The following HDAC4 variants were observed in gnomAD, a reference collection of about 807,000 sequenced individuals.
The protein encoded by HDAC4 is histone deacetylase 4.
In HDAC4, 16 loss-of-function variants were observed where a neutral mutation model predicts 135.1. That is an observed-to-expected ratio of 0.12 (90% CI 0.08 to 0.18). The LOEUF is 0.18. HDAC4 is among the 10% of genes least tolerant of loss of function. The pLI is 1.00. For missense variants in HDAC4, 1,143 were observed against 1,511.8 expected, an observed-to-expected ratio of 0.76 and a Z score of 4.05; for synonymous variants, 685 against 653.4, an observed-to-expected ratio of 1.05 and a Z score of -0.74.
intron 6 of HDAC4, chr2:239,162,406 C>T (rs576799832): frequency 4.4e-6 from 2 of 450,232 alleles, no homozygotes; most frequent in South Asian, 1.6e-5. Flanking sequence ...AACCACGATC[C>T]ACACTCCTGT....
chr2:239,132,621 G>A (rs1447113496), intron 11 of HDAC4, among the ~76,000 whole-genome samples: 1 of 152,200 alleles, frequency 6.6e-6, no homozygotes, highest in East Asian at 1.9e-4. Flanking sequence ...GCGCACACAG[G>A]GAAGAAGCAA....
At chr2:239,350,971 TCA>T (rs1223944541) in intron 2 of HDAC4, among the ~76,000 whole-genome samples, 1 of 152,180 alleles carries the variant, frequency 6.6e-6, no homozygotes, top group Non-Finnish European at 1.5e-5. Flanking sequence ...TCAAGTGTAC[TCA>T]AACAATAATT....
chr2:239,190,239 C>A (rs1473284109), intron 3 of HDAC4, among the ~76,000 whole-genome samples, 162 bp from the exon 4 acceptor site: 1 of 151,762 alleles, frequency 6.6e-6, no homozygotes, highest in South Asian at 2.1e-4. Flanking sequence ...TCTTGCCCAA[C>A]AAACTCAAAA....
rs2052707128 is a variant in HDAC4, at chr2:239,308,301, AG to A, written c.22+44376del. 6.6e-6 allele frequency among the ~76,000 whole-genome samples: 1 copy of A among 152,056 alleles called. No individual in the cohort carries two copies. Among genetic ancestry groups the A allele is most frequent in the South Asian group, 2.1e-4 (1 of 4,828 alleles). ...GCCAGGGTCACTTTCTTCCTCATCA[AG>A]CTGGCCCCCTGGTGACACGGGACAA... On this transcript the variant is annotated intron_variant, in intron 2 of 26. Transcript: ENST00000543185. This position sits in a 1 kb window ranked among gnomAD's most constrained non-coding sequence, Gnocchi z 4.2.
chr2:239,156,277 G>C (rs896700083), intron 7 of HDAC4, among the ~76,000 whole-genome samples: 6 of 152,154 alleles, frequency 3.9e-5, no homozygotes, highest in African/African-American at 1.4e-4. Context: ...AAGGCCACAG[G>C]CTCACCTGCT....
At chr2:239,219,792 A>G (rs1425036850) in intron 3 of HDAC4, among the ~76,000 whole-genome samples, 1 of 152,362 alleles carries the variant, frequency 6.6e-6, no homozygotes, top group Non-Finnish European at 1.5e-5. Context: ...ATATTTGACC[A>G]TTTCCTAAGT....
chr2:239,274,611 G>T (rs544679443), intron 2 of HDAC4, among the ~76,000 whole-genome samples: 2 of 152,310 alleles, frequency 1.3e-5, no homozygotes, highest in East Asian at 3.9e-4. Flanking sequence ...TGCCTACCTC[G>T]AAAATAACCA....
chr2:239,142,235 T>C (rs2041429192), intron 8 of HDAC4, among the ~76,000 whole-genome samples: 1 of 152,196 alleles, frequency 6.6e-6, no homozygotes, highest in South Asian at 2.1e-4. Flanking sequence ...AGTATCCACC[T>C]GGCTCTCTTT....
Position 239,245,088 on chromosome 2 carries a change from T to C in HDAC4, c.23-8424A>G, listed in dbSNP as rs759742441. Among the ~76,000 whole-genome samples, 3 of 152,238 alleles carry C rather than the reference T, an allele frequency of 2.0e-5. No homozygotes were observed. The highest frequency in any genetic ancestry group is 4.4e-5 in the Non-Finnish European group (3 of 68,038). On this transcript the variant is annotated intron_variant, in intron 2 of 26. Coordinates refer to ENST00000543185, the MANE Select transcript of HDAC4 (RefSeq NM_001378414.1). This position sits in a 1 kb window ranked among gnomAD's most constrained non-coding sequence, Gnocchi z 4.4. ...GCATGTCCAACATAGTTTATGTGCATTTATTAGAGAAAATGAAAATGGAAA... is the reference window on the plus strand; with the variant it reads ...GCATGTCCAACATAGTTTATGTGCACTTATTAGAGAAAATGAAAATGGAAA...
intron 11 of HDAC4, among the ~76,000 whole-genome samples, chr2:239,128,833 G>A (rs911522452): frequency 2.0e-5 from 3 of 152,178 alleles, no homozygotes; most frequent in African/African-American, 2.4e-5. Flanking sequence ...AGAAGGACAC[G>A]CCAACTTCAT....
chr2:239,254,876 GATCTTAAAAGCACC>G (rs1482887972), intron 2 of HDAC4, among the ~76,000 whole-genome samples: 1 of 152,198 alleles, frequency 6.6e-6, no homozygotes, highest in African/African-American at 2.4e-5. Context: ...CATGGAAAAA[GATCTTAAAAGCACC>G]AAGGTAGGAA....
At chr2:239,126,727 G>A (rs374345446) in intron 11 of HDAC4, 33 bp from the exon 12 acceptor site, 250 of 1,606,126 alleles carry the variant, frequency 1.6e-4, no homozygotes, top group Admixed American at 7.0e-4. Flanking sequence ...ACAGCAGAGG[G>A]GAAGAGGAAG....
At chr2:239,157,577 T>A (rs1294179470) in intron 6 of HDAC4, among the ~76,000 whole-genome samples, 1 of 152,192 alleles carries the variant, frequency 6.6e-6, no homozygotes, top group Non-Finnish European at 1.5e-5. Flanking sequence ...CAGCAAGGCC[T>A]TTTTTGACGG....
chr2:239,156,278 C>G (rs1430676646), intron 7 of HDAC4, among the ~76,000 whole-genome samples: 2 of 152,242 alleles, frequency 1.3e-5, no homozygotes, highest in African/African-American at 2.4e-5. Flanking sequence ...AGGCCACAGG[C>G]TCACCTGCTC....
intron 2 of HDAC4, among the ~76,000 whole-genome samples, chr2:239,250,965 CACCTCGAG>C (rs2048753124): frequency 6.6e-6 from 1 of 152,192 alleles, no homozygotes; most frequent in Non-Finnish European, 1.5e-5. Context: ...ACGCCTGGTT[CACCTCGAG>C]ACCTGCATCA....
At chr2:239,066,571 G>C (rs1208337457) in intron 24 of HDAC4, 151 bp downstream of exon 24, 1 of 978,946 alleles carries the variant, frequency 1.0e-6, no homozygotes, top group East Asian at 2.4e-5. Context: ...AGCTATGCGG[G>C]GGTGGGGGGC....
At chr2:239,073,254 C>G (rs1045003583) in intron 22 of HDAC4, among the ~76,000 whole-genome samples, 5 of 152,216 alleles carry the variant, frequency 3.3e-5, no homozygotes, top group African/African-American at 9.6e-5. Flanking sequence ...CACACAATTT[C>G]CCCTAGACCT....
At chr2:239,094,893 G>A (rs978444957) in intron 17 of HDAC4, 117 bp downstream of exon 17, 53 of 1,598,992 alleles carry the variant, frequency 3.3e-5, no homozygotes, top group South Asian at 8.9e-5. Context: ...CAGCCCCTGC[G>A]TATGGAAAAC....
At chr2:239,329,667 G>A (rs1265048738) in intron 2 of HDAC4, among the ~76,000 whole-genome samples, 1 of 152,178 alleles carries the variant, frequency 6.6e-6, no homozygotes, top group East Asian at 1.9e-4. Context: ...TTATCAAAAA[G>A]GGCATGAGTC....
Sources: gnomAD v4.1 joint callset for allele counts (sites outside exome capture counted in the v4.1 genomes callset) on GRCh38, gnomAD v4.1.1 for gene constraint, Gnocchi (gnomAD v3.1) non-coding constraint, MANE v1.5 for transcripts, NCBI Gene and HGNC (gene_info 2026-07-23, HGNC 2026-07-21) for gene names.